TOP1MT: variants seen among roughly 807,000 people sequenced by gnomAD.
The protein encoded by TOP1MT is DNA topoisomerase I mitochondrial, also known as DNA topoisomerase I, mitochondrial.
Under a neutral mutation model 73.9 loss-of-function variants are expected in TOP1MT, and 80 were observed. The observed-to-expected ratio is 1.08, with a 90% CI of 0.90 to 1.30. TOP1MT has a LOEUF of 1.30. Ranked by LOEUF, TOP1MT falls within the 50% of genes most tolerant of loss-of-function variation. The pLI, the probability that TOP1MT is intolerant of heterozygous loss-of-function variation, is 0.00. For synonymous variants in TOP1MT, 338 were observed against 326.4 expected, an observed-to-expected ratio of 1.04 and a Z score of -0.38; for missense variants, 815 against 808.0, an observed-to-expected ratio of 1.01 and a Z score of -0.10.
chr8:143,310,525 G>A lies in TOP1MT; in HGVS notation c.1554-308C>T, dbSNP rs78386933. Reference sequence around the variant, plus strand: ...CCGGCCCAAACAGGATGAGGGCAGCGAGACCAGGCCCGAGAAAGCAAACAC... The same window carrying A: ...CCGGCCCAAACAGGATGAGGGCAGCAAGACCAGGCCCGAGAAAGCAAACAC... On this transcript the variant is annotated intron_variant, in intron 12 of 13. Coordinates refer to ENST00000329245, the MANE Select transcript of TOP1MT (RefSeq NM_052963.3). 72 of 271,774 alleles carry A rather than the reference G, an allele frequency of 2.6e-4. 2 individuals carry two copies. In the East Asian group the frequency reaches 4.6e-3, roughly 17 times the overall value. 16.8% of individuals were successfully genotyped at this position (271,774 alleles called of 1,614,324 possible). A position where few individuals can be genotyped will look rare whatever the true frequency, so the allele number is the denominator to read the frequency against.
chr8:143,352,790 G>C (rs943935603), intron 1 of TOP1MT, among the ~76,000 whole-genome samples: 2 of 152,168 alleles, frequency 1.3e-5, no homozygotes, highest in Non-Finnish European at 2.9e-5. Flanking sequence ...ATGTCCAGCT[G>C]ATTTTTAAAT....
At chr8:143,330,207 C>T (rs1816815115) in intron 2 of TOP1MT, among the ~76,000 whole-genome samples, 2 of 152,238 alleles carry the variant, frequency 1.3e-5, no homozygotes, top group South Asian at 4.1e-4. Flanking sequence ...CACTGCCCCT[C>T]TGTGGAGGCT....
chr8:143,350,750 A>G (rs891176490), intron 1 of TOP1MT, among the ~76,000 whole-genome samples: 5 of 152,212 alleles, frequency 3.3e-5, no homozygotes, highest in Admixed American at 6.5e-5. Context: ...AACAAAGTCC[A>G]ATGCATCTGA....
Position 143,330,083 on chromosome 8 carries a change from A to C in TOP1MT, c.239-612T>G, listed in dbSNP as rs183301641. Among the ~76,000 whole-genome samples the C allele has an allele frequency of 2.0e-5, 3 of 152,364 alleles. No individual in the cohort carries two copies. In the East Asian group the frequency reaches 5.8e-4, roughly 29 times the overall value. ...GAAATAAATGCATAATCATTTGGTA[A>C]GAAGGAGGAAGGCATTTCTGATAAA... On this transcript the variant is annotated intron_variant, in intron 2 of 13. Coordinates refer to ENST00000329245, the MANE Select transcript of TOP1MT (RefSeq NM_052963.3).
chr8:143,342,948 A>AG (rs1199882362), intron 2 of TOP1MT, among the ~76,000 whole-genome samples: 2 of 151,874 alleles, frequency 1.3e-5, no homozygotes, highest in Non-Finnish European at 2.9e-5. Flanking sequence ...TTTAGTAGAG[A>AG]GGGGGTTTCA....
upstream of TOP1MT, among the ~76,000 whole-genome samples, chr8:143,346,814 C>T (rs559253765): frequency 1.3e-5 from 2 of 152,142 alleles, no homozygotes; most frequent in East Asian, 3.9e-4. Context: ...TGAACTAGCG[C>T]ACAGGTCAGA....
chr8:143,350,820 A>C (rs1817307772), intron 1 of TOP1MT, among the ~76,000 whole-genome samples: 1 of 152,094 alleles, frequency 6.6e-6, no homozygotes, highest in South Asian at 2.1e-4. Context: ...AAATTTTTAG[A>C]AAACTTCCTA....
chr8:143,334,803 G>A lies in TOP1MT; in HGVS notation c.59C>T (p.Pro20Leu), dbSNP rs201559470. 6.3e-7 allele frequency: 1 copy of A among 1,578,794 alleles called. No individual in the cohort carries two copies. Among genetic ancestry groups the A allele is most frequent in the African/African-American group, 1.4e-5 (1 of 69,652 alleles). The change falls in exon 1 of 14, where the codon CCC (proline) becomes CTC (leucine). Residue 20 changes from proline to leucine, a missense_variant. Coordinates refer to ENST00000329245, the MANE Select transcript of TOP1MT (RefSeq NM_052963.3). ...RAALTLLGEV[P>L]RRPASRGVPG... ...GACACCCCGGGAGGCCGGGCGGCGG[G>A]GGACCTCCCCGAGCAGCGTCAGAGC...
upstream of TOP1MT, among the ~76,000 whole-genome samples, chr8:143,346,965 A>C (rs150551982): frequency 1.9e-3 from 289 of 148,526 alleles, 1 homozygote; most frequent in African/African-American, 6.8e-3. Flanking sequence ...TTATTTATTT[A>C]TTTATTTATT....
At chr8:143,329,615 C>A in intron 2 of TOP1MT, 144 bp from the exon 3 acceptor site, 2 of 953,836 alleles carry the variant, frequency 2.1e-6, no homozygotes, top group Non-Finnish European at 3.0e-6. Flanking sequence ...AGTTCAGAAG[C>A]ATGTTCTGCA....
chr8:143,321,692 G>A (rs1334590411), intron 7 of TOP1MT, among the ~76,000 whole-genome samples: 31 of 83,860 alleles, frequency 3.7e-4, no homozygotes, highest in Non-Finnish European at 6.0e-4. Flanking sequence ...CGCCACGCAC[G>A]CACGCCACGC....
chr8:143,346,535 T>C (rs1817223817), upstream of TOP1MT, among the ~76,000 whole-genome samples: 1 of 152,186 alleles, frequency 6.6e-6, no homozygotes, highest in African/African-American at 2.4e-5. Context: ...TAGTCCCAGC[T>C]ACTCGGGAGG....
At chr8:143,321,976 CA>C (rs1380507499) in intron 7 of TOP1MT, among the ~76,000 whole-genome samples, 3 of 130,584 alleles carry the variant, frequency 2.3e-5, no homozygotes, top group African/African-American at 8.7e-5. Context: ...ATGCTCACCA[CA>C]CGCACGCCAC....
At chr8:143,323,865 G>GCA in intron 7 of TOP1MT, 134 bp downstream of exon 7, 1 of 986,682 alleles carries the variant, frequency 1.0e-6, no homozygotes, top group Non-Finnish European at 1.5e-6. Flanking sequence ...GTGTGCACAT[G>GCA]CACACACCCC....
Position 143,340,807 on chromosome 8 carries a change from T to G in TOP1MT, c.29+2413A>C, listed in dbSNP as rs564973189. Among the ~76,000 whole-genome samples, 4 of 152,346 alleles carry G rather than the reference T, an allele frequency of 2.6e-5. No homozygotes were observed. In the South Asian group the frequency reaches 8.3e-4, roughly 32 times the overall value. On this transcript the variant is annotated intron_variant, in intron 2 of 5. Coordinates refer to the TOP1MT transcript ENST00000518007. Reference sequence around the variant, plus strand: ...TGGAAACCAAGGCCTCCTGTCCCACTTTTGTGCCACTACCTAATTTGTCAC... The same window carrying G: ...TGGAAACCAAGGCCTCCTGTCCCACGTTTGTGCCACTACCTAATTTGTCAC...
rs919326053 is a variant in TOP1MT at position 143,341,769 on chromosome 8, G to A, written c.29+1451C>T. On this transcript the variant is annotated intron_variant, in intron 2 of 5. Transcript: ENST00000518007. This position sits in a 1 kb window ranked among gnomAD's most constrained non-coding sequence, Gnocchi z 4.1. ...ACCCAGACACAAAACACCAGAAAGGGAAGGTCACAGAGCACTATCCCGACA... is the reference window on the plus strand; with the variant it reads ...ACCCAGACACAAAACACCAGAAAGGAAAGGTCACAGAGCACTATCCCGACA... 2.0e-5 allele frequency among the ~76,000 whole-genome samples: 3 copies of A among 152,136 alleles called. No individual in the cohort carries two copies. Among genetic ancestry groups the A allele is most frequent in the African/African-American group, 7.2e-5 (3 of 41,426 alleles).
At chr8:143,357,036 G>GT (rs1207610682), upstream of TOP1MT, among the ~76,000 whole-genome samples, 1 of 148,580 alleles carries the variant, frequency 6.7e-6, no homozygotes, top group Non-Finnish European at 1.5e-5. Context: ...AGAGCTTGCA[G>GT]TGAGCCAAGA....
rs1223750326 is a variant in TOP1MT, at chr8:143,315,808, T to G, written c.1472A>C (p.Lys491Thr). 1 of 1,613,794 alleles carries G rather than the reference T, an allele frequency of 6.2e-7. No individual in the cohort carries two copies. Among genetic ancestry groups the G allele is most frequent in the African/African-American group, 1.3e-5 (1 of 75,054 alleles). ...QNLQTKIQAK[K>T]EQVAEARAEL... ...TGCCCTGGCCTCAGCCACCTGCTCC[T>G]TCTTTGCCTGGATCTGCAGGAAAAG... The change falls in exon 12 of 14, where the codon AAG (lysine) becomes ACG (threonine). Residue 491 changes from lysine (K) to threonine (T), a missense_variant. Lys to Thr is a moderately conservative substitution (Grantham distance 78, BLOSUM62 -1). Around this residue, in one of 3 missense-constraint regions of TOP1MT, gnomAD observed 751 missense variants for 725.4 expected, o/e 1.04. Transcript: ENST00000329245.
chr8:143,348,107 C>T (rs1373340032), upstream of TOP1MT, among the ~76,000 whole-genome samples: 3 of 152,136 alleles, frequency 2.0e-5, no homozygotes, highest in Non-Finnish European at 2.9e-5. The surrounding 1 kb of genome is among the most constrained non-coding windows in gnomAD (Gnocchi z 4.6). Context: ...AAAGTCCTGC[C>T]GCCTAAGCCC....
Sources: gnomAD v4.1 joint callset for allele counts (sites outside exome capture counted in the v4.1 genomes callset) on GRCh38, gnomAD v4.1.1 for gene constraint, gnomAD v4.1.1 regional missense constraint, Gnocchi (gnomAD v3.1) non-coding constraint, MANE v1.5 for transcripts, NCBI Gene and HGNC (gene_info 2026-07-23, HGNC 2026-07-21) for gene names.